Variants in CNTN6 observed in about 807,000 individuals in gnomAD.
CNTN6 encodes contactin 6, also known as contactin-6.
In CNTN6, 137 loss-of-function variants were observed where a neutral mutation model predicts 122.8. The ratio of observed to expected loss-of-function variants is 1.12; its 90% CI spans 0.97 to 1.29. The LOEUF is 1.29. Among genes scored for constraint, CNTN6 ranks in the 50% most tolerant of loss-of-function variants. CNTN6 has a pLI of 0.00. For synonymous variants in CNTN6, 570 were observed against 426.0 expected, an observed-to-expected ratio of 1.34 and a Z score of -4.16; for missense variants, 1,634 against 1,223.4, an observed-to-expected ratio of 1.34 and a Z score of -5.01.
chr3:1,261,712 G>A (rs529827110), intron 4 of CNTN6, among the ~76,000 whole-genome samples: 1 of 152,242 alleles, frequency 6.6e-6, no homozygotes, highest in African/African-American at 2.4e-5. Flanking sequence ...ACCTACAGTG[G>A]CTGCTACAAT....
intron 4 of CNTN6, among the ~76,000 whole-genome samples, chr3:1,252,018 A>G (rs753565544): frequency 3.9e-5 from 6 of 152,156 alleles, no homozygotes; most frequent in East Asian, 3.9e-4. Flanking sequence ...AATAATTCCA[A>G]TGAAACGTTA....
chr3:1,346,649 T>A (rs1261347885), intron 11 of CNTN6, among the ~76,000 whole-genome samples: 1 of 152,072 alleles, frequency 6.6e-6, no homozygotes, highest in Non-Finnish European at 1.5e-5. Context: ...GCCACCAGAA[T>A]CATGAGCCAA....
At chr3:1,368,441 A>G (rs1342028355) in intron 12 of CNTN6, among the ~76,000 whole-genome samples, 1 of 152,228 alleles carries the variant, frequency 6.6e-6, no homozygotes, top group Non-Finnish European at 1.5e-5. Flanking sequence ...TGTATAATTC[A>G]TCAGAAACTT....
chr3:1,295,840 C>G (rs1696136375), intron 6 of CNTN6, 36 bp downstream of exon 6: 1 of 1,577,362 alleles, frequency 6.3e-7, no homozygotes, highest in South Asian at 1.1e-5. Context: ...TGTACTTTAT[C>G]TTTGGCCCTT....
At chr3:1,366,943 G>A (rs1559934150) in intron 12 of CNTN6, among the ~76,000 whole-genome samples, 1 of 152,238 alleles carries the variant, frequency 6.6e-6, no homozygotes, top group East Asian at 1.9e-4. Context: ...TCACACTGCA[G>A]ATAATGGTAT....
chr3:1,165,450 T>A (rs189720835), intron 2 of CNTN6, among the ~76,000 whole-genome samples: 1 of 152,168 alleles, frequency 6.6e-6, no homozygotes, highest in East Asian at 1.9e-4. Flanking sequence ...CAGAACCAGA[T>A]AGATTCTTCT....
chr3:1,214,412 G>A lies in CNTN6; in HGVS notation c.56-6275G>A, dbSNP rs185889527. On this transcript the variant is annotated intron_variant, in intron 2 of 22. Coordinates refer to ENST00000446702, the MANE Select transcript of CNTN6 (RefSeq NM_001289080.2). Reference sequence around the variant, plus strand: ...CAACCTCTGCCTCCTGAGTTCAAGCGATTCTCCTGCCTCAGCCTCCCTAGT... The same window carrying A: ...CAACCTCTGCCTCCTGAGTTCAAGCAATTCTCCTGCCTCAGCCTCCCTAGT... 4.1e-3 allele frequency among the ~76,000 whole-genome samples: 600 copies of A among 144,860 alleles called. 2 individuals carry two copies. Among genetic ancestry groups the A allele is most frequent in the African/African-American group, 0.014 (566 of 39,044 alleles).
chr3:1,310,533 T>C (rs999647355), intron 7 of CNTN6, among the ~76,000 whole-genome samples: 19 of 152,176 alleles, frequency 1.2e-4, no homozygotes, highest in Admixed American at 2.6e-4. Context: ...TTGTTGAGGA[T>C]TTTTCCATTT....
chr3:1,246,588 A>G (rs1169231975), intron 4 of CNTN6, among the ~76,000 whole-genome samples: 2 of 152,170 alleles, frequency 1.3e-5, no homozygotes, highest in Non-Finnish European at 1.5e-5. Flanking sequence ...GCATATGACA[A>G]TTTTAAAAGA....
At chr3:1,126,546 C>T (rs573327437) in intron 1 of CNTN6, among the ~76,000 whole-genome samples, 1 of 151,974 alleles carries the variant, frequency 6.6e-6, no homozygotes, top group African/African-American at 2.4e-5. Context: ...AATTGTAACT[C>T]TGCCTATTTT....
chr3:1,386,771 A>C (rs191734596), intron 20 of CNTN6, among the ~76,000 whole-genome samples: 1 of 152,348 alleles, frequency 6.6e-6, no homozygotes, highest in East Asian at 1.9e-4. Context: ...AGACTAAGAC[A>C]AATTCAGTGC....
chr3:1,300,567 AAGAAAGAAAGAAAG>A (rs1559755484), intron 7 of CNTN6, among the ~76,000 whole-genome samples: 2 of 54,508 alleles, frequency 3.7e-5, no homozygotes, highest in African/African-American at 1.8e-4. Context: ...AAAAGAAAGA[AAGAAAGAAAGAAAG>A]AAAGAAAGAA....
intron 2 of CNTN6, among the ~76,000 whole-genome samples, chr3:1,185,680 C>A (rs1012729681): frequency 1.3e-5 from 2 of 152,138 alleles, no homozygotes; most frequent in African/African-American, 4.8e-5. Context: ...CTACATGTAG[C>A]ATAGTAATTG....
chr3:1,119,962 C>G (rs1013928134), intron 1 of CNTN6, among the ~76,000 whole-genome samples: 13 of 151,950 alleles, frequency 8.6e-5, no homozygotes, highest in African/African-American at 3.1e-4. Flanking sequence ...GATTCTAGAA[C>G]GTTATATAAA....
intron 12 of CNTN6, among the ~76,000 whole-genome samples, chr3:1,364,499 G>A (rs1707930195): frequency 6.7e-6 from 1 of 150,318 alleles, no homozygotes; most frequent in Non-Finnish European, 1.5e-5. Flanking sequence ...TTTCAACTGA[G>A]TTGAAGGAAA....
chr3:1,326,765 A>C (rs1701600022), intron 9 of CNTN6, among the ~76,000 whole-genome samples: 1 of 151,884 alleles, frequency 6.6e-6, no homozygotes, highest in Non-Finnish European at 1.5e-5. Context: ...GCATCAGTGA[A>C]ATTTTCTTCC....
In CNTN6 at chr3:1,327,547, T is replaced by A. The variant is rs775187238; in HGVS notation, c.1174T>A (p.Tyr392Asn). The change falls in exon 10 of 23, where the codon TAT becomes AAT. Residue 392 changes from tyrosine (Y) to asparagine (N), a missense_variant. Tyr to Asn is a moderately radical substitution (Grantham distance 143). Coordinates refer to ENST00000446702, the MANE Select transcript of CNTN6 (RefSeq NM_001289080.2). ...GVYQCAAENKYQIIYANAELR... is the reference protein window; with the variant it reads ...GVYQCAAENKNQIIYANAELR... ...GTACCAATGTGCTGCAGAAAACAAA[T>A]ATCAGATAATTTATGCAAATGCTGA... 4.7e-5 allele frequency: 75 copies of A among 1,610,724 alleles called. No individual in the cohort carries two copies. The highest frequency in any genetic ancestry group is 1.8e-4 in the Admixed American group (11 of 59,732).
chr3:1,300,534 AGAG>A (rs1697100272), intron 7 of CNTN6, among the ~76,000 whole-genome samples: 1 of 141,516 alleles, frequency 7.1e-6, no homozygotes, highest in African/African-American at 2.8e-5. Context: ...AGATAAAGAA[AGAG>A]AGAGAAAGAA....
intron 1 of CNTN6, among the ~76,000 whole-genome samples, chr3:1,117,202 T>C (rs1236495757): frequency 6.6e-6 from 1 of 152,188 alleles, no homozygotes; most frequent in Non-Finnish European, 1.5e-5. Context: ...TGCATTACTT[T>C]TATATAAATA....
Sources: gnomAD v4.1 joint callset for allele counts (sites outside exome capture counted in the v4.1 genomes callset) on GRCh38, gnomAD v4.1.1 for gene constraint, MANE v1.5 for transcripts, NCBI Gene and HGNC (gene_info 2026-07-23, HGNC 2026-07-21) for gene names.